PFAS: variants seen among roughly 807,000 people sequenced by gnomAD.
PFAS encodes the protein FGAM synthase.
PFAS carries 97 observed loss-of-function variants against 140.6 expected under a neutral mutation model. The observed-to-expected ratio is 0.69, with a 90% CI of 0.59 to 0.82. PFAS has a LOEUF of 0.82. PFAS is among the 40% of genes least tolerant of loss of function. PFAS has a pLI of 0.00. For synonymous variants in PFAS, 679 were observed against 718.8 expected (o/e 0.94, Z 0.88); for missense variants, 1,656 against 1,780.2 (o/e 0.93, Z 1.26).
Position 8,269,397 on chromosome 17 carries a change from A to C in PFAS, c.*133A>C. The C allele has an allele frequency of 1.6e-6, 1 of 631,508 alleles. No individual in the cohort carries two copies. Among genetic ancestry groups the C allele is most frequent in the Non-Finnish European group, 2.8e-6 (1 of 359,598 alleles). The allele number at this position is 631,508 out of a possible 1,614,324, so 39.1% of individuals were successfully genotyped here. On this transcript the variant is annotated 3_prime_UTR_variant, in exon 28 of 28. Transcript: ENST00000314666. Reference sequence around the variant, plus strand: ...GACAGACAAGGACCAAAATGCCAAAATCTCAGCGGACTCGATAATCTGCCT... The same window carrying C: ...GACAGACAAGGACCAAAATGCCAAACTCTCAGCGGACTCGATAATCTGCCT...
intron 1 of PFAS, among the ~76,000 whole-genome samples, chr17:8,252,822 A>C (rs1989210798): frequency 6.6e-6 from 1 of 151,796 alleles, no homozygotes; most frequent in South Asian, 2.1e-4. Context: ...GGTTTTTGCC[A>C]TGTTGCCCAG....
chr17:8,247,912 G>C, upstream of PFAS: 1 of 1,376,376 alleles, frequency 7.3e-7, no homozygotes, highest in South Asian at 1.2e-5. Context: ...CGGCCAGCGA[G>C]CCCAGAGAGA....
rs1012049502 is a variant in PFAS at position 8,254,228 on chromosome 17, C to G, written c.205C>G (p.Leu69Val). 3 of 1,614,150 alleles carry G rather than the reference C, an allele frequency of 1.9e-6. No homozygotes were observed. Among genetic ancestry groups the G allele is most frequent in the Non-Finnish European group, 2.5e-6 (3 of 1,180,016 alleles). ...GATGTGGCTGTTTGGTTGCCCCTTA[C>G]TGCTGGATGATGTTGCTCGGGAGTC... ...KLMWLFGCPL[L>V]LDDVARESWL... Residue 69 changes from leucine (L) to valine (V), a missense_variant, in exon 3 of 28, where the codon CTG becomes GTG. Leu to Val is a conservative substitution (Grantham distance 32). Around this residue, in one of 2 missense-constraint regions of PFAS, gnomAD observed 773 missense variants for 757.3 expected, o/e 1.02. Coordinates refer to ENST00000314666, the MANE Select transcript of PFAS (RefSeq NM_012393.3).
chr17:8,250,991 T>A (rs1287364592), intron 1 of PFAS, among the ~76,000 whole-genome samples: 1 of 151,802 alleles, frequency 6.6e-6, no homozygotes, highest in Non-Finnish European at 1.5e-5. Flanking sequence ...TTTTTTTAAT[T>A]TGAAAGATGA....
intron 13 of PFAS, 114 bp downstream of exon 13, chr17:8,263,379 C>T (rs990082761): frequency 8.3e-7 from 1 of 1,201,188 alleles, no homozygotes; most frequent in African/African-American, 1.5e-5. Flanking sequence ...GTCCCATTCT[C>T]CATGCTCTGT....
At position 8,258,137 on chromosome 17, in the gene PFAS, T is replaced by C. The variant is rs376252694; in HGVS notation, c.1274T>C (p.Met425Thr). ...GQRREWIKPI[M>T]FSGGIGSMEA... ...CGGCGTGAGTGGATCAAGCCCATCA[T>C]GTTTAGTGGGGGCATTGGGTCCATG... Residue 425 changes from methionine to threonine, a missense_variant, in exon 11 of 28, where the codon ATG (methionine) becomes ACG (threonine). Transcript: ENST00000314666. The C allele has an allele frequency of 6.2e-7, 1 of 1,614,132 alleles. No individual in the cohort carries two copies.
rs1431127938 is a variant in PFAS at position 8,257,827 on chromosome 17, G to C, written c.1096G>C (p.Asp366His). ...HIPGYNLPWE[D>H]PSFQYPGNFA... ...CCCAGGTTACAATCTGCCCTGGGAGGATCCAAGCTTCCAGTATCCTGGGAA... is the reference window on the plus strand; with the variant it reads ...CCCAGGTTACAATCTGCCCTGGGAGCATCCAAGCTTCCAGTATCCTGGGAA... Residue 366 changes from aspartate (D) to histidine (H), a missense_variant, in exon 10 of 28, where the codon GAT (aspartate) becomes CAT (histidine). By Grantham distance (81) the Asp-to-His change is moderately conservative. Around this residue, in one of 2 missense-constraint regions of PFAS, gnomAD observed 773 missense variants for 757.3 expected, o/e 1.02. Coordinates refer to ENST00000314666, the MANE Select transcript of PFAS (RefSeq NM_012393.3). 2 of 1,613,962 alleles carry C rather than the reference G, an allele frequency of 1.2e-6. No homozygotes were observed. Among genetic ancestry groups the C allele is most frequent in the Non-Finnish European group, 1.7e-6 (2 of 1,179,864 alleles).
Position 8,253,994 on chromosome 17 carries a change from T to C in PFAS, c.57T>C (p.Pro19=), listed in dbSNP as rs747899881. 3 of 1,614,136 alleles carry C rather than the reference T, an allele frequency of 1.9e-6. No homozygotes were observed. The highest frequency in any genetic ancestry group is 1.7e-5 in the Admixed American group (1 of 60,016). The change falls in exon 2 of 28, where the codon CCT becomes CCC. Residue 19 remains proline (P), a synonymous_variant. Transcript: ENST00000314666. ...VRPSGHEGAA[P]GHTRRKLQGK... ...CCTCTGGCCATGAGGGGGCAGCCCC[T>C]GGACACACTCGGAGGAAACTGCAAG... is the stretch of plus-strand genomic sequence containing the variant.
chr17:8,253,836 G>T, intron 1 of PFAS, 23 bp from the exon 2 acceptor site: 1 of 1,475,966 alleles, frequency 6.8e-7, no homozygotes, highest in Non-Finnish European at 9.0e-7. Flanking sequence ...ACCACGCCCG[G>T]CTTAGTTAAT....
intron 4 of PFAS, 78 bp downstream of exon 4, chr17:8,255,210 G>A: frequency 9.0e-7 from 1 of 1,106,266 alleles, no homozygotes; most frequent in Non-Finnish European, 1.4e-6. Context: ...GAGAAGCAGG[G>A]ACAGGTGCTC....
rs763893584 is a variant in PFAS at position 8,266,316 on chromosome 17, C to T, written c.2784C>T (p.Cys928=). 2.4e-5 allele frequency: 38 copies of T among 1,613,936 alleles called. No homozygotes were observed. The highest frequency in any genetic ancestry group is 2.8e-5 in the Non-Finnish European group (33 of 1,179,992). Residue 928 remains cysteine, a synonymous_variant, in exon 22 of 28, where the codon TGC becomes TGT. Transcript: ENST00000314666. The surrounding 1 kb of genome is among the most constrained non-coding windows in gnomAD (Gnocchi z 5.0). ...TGGAGATGGCCTTTGCTGGAAATTG[C>T]GGGCTACAGGTGGATGTGCCTGTCC... ...CLLEMAFAGN[C]GLQVDVPVPR...
In PFAS at chr17:8,257,787, T is replaced by C; in HGVS notation, c.1076-20T>C. The C allele has an allele frequency of 1.9e-6, 3 of 1,613,470 alleles. No individual in the cohort carries two copies. Among genetic ancestry groups the C allele is most frequent in the Non-Finnish European group, 2.5e-6 (3 of 1,179,506 alleles). Reference sequence around the variant, plus strand: ...TCACAGTTCATTCAGTTCATCCAGTTCTCTCTCCTTCCCTCCCAGGTTACA... The same window carrying C: ...TCACAGTTCATTCAGTTCATCCAGTCCTCTCTCCTTCCCTCCCAGGTTACA... On this transcript the variant is annotated intron_variant, in intron 9 of 27. Coordinates refer to ENST00000314666, the MANE Select transcript of PFAS (RefSeq NM_012393.3).
rs746875465 is a variant in PFAS at position 8,263,317 on chromosome 17, G to C, written c.1567+52G>C. ...CTGGGCCTGCCTGGTATCCTGCCAG[G>C]TTTCGTTTAGGGAGAGGTATCAGGA... On this transcript the variant is annotated intron_variant, in intron 13 of 27. Coordinates refer to ENST00000314666, the MANE Select transcript of PFAS (RefSeq NM_012393.3). 3.8e-6 allele frequency: 6 copies of C among 1,597,360 alleles called. No individual in the cohort carries two copies. In the African/African-American group the frequency reaches 4.0e-5, roughly 11 times the overall value.
In PFAS at chr17:8,255,911, G is replaced by A. The variant is rs755349106; in HGVS notation, c.680+1G>A. 2.1e-5 allele frequency: 33 copies of A among 1,606,154 alleles called. No homozygotes were observed. The highest frequency in any genetic ancestry group is 2.7e-5 in the Non-Finnish European group (32 of 1,172,816). On this transcript the variant is annotated splice_donor_variant, in intron 6 of 27. Coordinates refer to ENST00000314666, the MANE Select transcript of PFAS (RefSeq NM_012393.3). LOFTEE classifies it high-confidence loss of function. ...CCTTTGACTTGGCGCAGTCCAATAG[G>A]TGAGGAGAAATGGGGTTGTTCCCAT... is the stretch of plus-strand genomic sequence containing the variant.
intron 1 of PFAS, 27 bp from the exon 2 acceptor site, chr17:8,253,832 C>T (rs1189200539): frequency 3.4e-6 from 5 of 1,460,722 alleles, no homozygotes; most frequent in Non-Finnish European, 4.5e-6. Context: ...AGCCACCACG[C>T]CCGGCTTAGT....
chr17:8,267,706 C>G lies in PFAS; in HGVS notation c.3382+41C>G. On this transcript the variant is annotated intron_variant, in intron 26 of 27. Coordinates refer to ENST00000314666, the MANE Select transcript of PFAS (RefSeq NM_012393.3). The surrounding 1 kb of genome is among the most constrained non-coding windows in gnomAD (Gnocchi z 4.9). ...TCTGCCCACTCCCTTCCCCCACATTCCTGAAGAGGTGCCTTTAGCCCCATC... is the reference window on the plus strand; with the variant it reads ...TCTGCCCACTCCCTTCCCCCACATTGCTGAAGAGGTGCCTTTAGCCCCATC... 3.5e-6 allele frequency: 4 copies of G among 1,141,544 alleles called. No homozygotes were observed. The highest frequency in any genetic ancestry group is 5.2e-6 in the Non-Finnish European group (4 of 766,368). 70.7% of individuals were successfully genotyped at this position (1,141,544 alleles called of 1,614,324 possible). A position where few individuals can be genotyped will look rare whatever the true frequency, so the allele number is the denominator to read the frequency against.
chr17:8,248,097 T>TGG (rs372313776), upstream of PFAS: 12 of 229,480 alleles, frequency 5.2e-5, no homozygotes, highest in African/African-American at 2.1e-4. Context: ...GGGATGGGGG[T>TGG]GGGGGGGCGC....
At chr17:8,265,492 G>A (rs747094697) in intron 19 of PFAS, 24 bp downstream of exon 19, 30 of 1,613,276 alleles carry the variant, frequency 1.9e-5, no homozygotes, top group Non-Finnish European at 2.5e-5. Flanking sequence ...GCCCCAGGGA[G>A]GGGAGGAGGA....
Position 8,266,809 on chromosome 17 carries a change from G to A in PFAS, c.2878G>A (p.Asp960Asn), listed in dbSNP as rs1326010911. 2 of 1,612,582 alleles carry A rather than the reference G, an allele frequency of 1.2e-6. No homozygotes were observed. The highest frequency in any genetic ancestry group is 3.3e-4 in the Middle Eastern group (2 of 6,052). Residue 960 changes from aspartate to asparagine, a missense_variant, in exon 23 of 28, where the codon GAC becomes AAC. Around this residue, in one of 2 missense-constraint regions of PFAS, gnomAD observed 883 missense variants for 1,023.0 expected, o/e 0.86. Transcript: ENST00000314666. The surrounding 1 kb of genome is among the most constrained non-coding windows in gnomAD (Gnocchi z 5.0). ...PGLVLEVQEP[D>N]LAQVLKRYRD... ...CCTCGTGCTGGAGGTGCAGGAGCCA[G>A]ACCTGGCCCAGGTGCTGAAGCGTTA...
Sources: gnomAD v4.1 joint callset for allele counts (sites outside exome capture counted in the v4.1 genomes callset) on GRCh38, gnomAD v4.1.1 for gene constraint, gnomAD v4.1.1 regional missense constraint, Gnocchi (gnomAD v3.1) non-coding constraint, MANE v1.5 for transcripts, NCBI Gene and HGNC (gene_info 2026-07-23, HGNC 2026-07-21) for gene names.